The following LIPA variants were observed in gnomAD, a reference collection of about 807,000 sequenced individuals.
The protein encoded by LIPA is lysosomal acid lipase/cholesteryl ester hydrolase.
Under a neutral mutation model 40.6 loss-of-function variants are expected in LIPA, and 26 were observed. The observed-to-expected ratio is 0.64, with a 90% confidence interval of 0.47 to 0.89. The LOEUF (loss-of-function observed/expected upper bound fraction) is 0.89. Ranked by LOEUF, LIPA falls within the 40% of genes least tolerant of loss-of-function variation. The pLI is 0.00. For synonymous variants in LIPA, 188 were observed against 168.4 expected, an observed-to-expected ratio of 1.12 and a Z score of -0.90; for missense variants, 455 against 479.6, an observed-to-expected ratio of 0.95 and a Z score of 0.48.
intron 1 of LIPA, among the ~76,000 whole-genome samples, chr10:89,250,107 C>CT (rs398038546): frequency 0.018 from 1,767 of 96,046 alleles, 111 homozygotes; most frequent in Middle Eastern, 0.032. Context: ...TCTTTTCTTT[C>CT]TTTTTTTTTT....
At chr10:89,273,195 G>T (rs4934463) in intron 1 of LIPA, among the ~76,000 whole-genome samples, 102,759 of 151,614 alleles carry the variant, frequency 0.68, 35,263 homozygotes, top group East Asian at 0.97. Flanking sequence ...TTTTCTCTTT[G>T]TTTTTTGTAA....
intron 8 of LIPA, among the ~76,000 whole-genome samples, chr10:89,218,687 G>A (rs1373379592): frequency 6.6e-6 from 1 of 152,184 alleles, no homozygotes; most frequent in Admixed American, 6.5e-5. Context: ...CTGCAACCAG[G>A]CAGAAGAGGA....
At chr10:89,316,283 G>C (rs1380636911) in intron 1 of LIPA, among the ~76,000 whole-genome samples, 1 of 152,238 alleles carries the variant, frequency 6.6e-6, no homozygotes, top group Non-Finnish European at 1.5e-5. Flanking sequence ...CCTCACCCGG[G>C]AAGTGCAAGG....
intron 2 of LIPA, chr10:89,362,595 G>A (rs893611048): frequency 1.5e-5 from 5 of 333,386 alleles, no homozygotes; most frequent in South Asian, 1.4e-4. Flanking sequence ...ACTTTGCCTG[G>A]GCTGGGGCAA....
At chr10:89,348,591 G>A (rs887351269) in intron 2 of LIPA, among the ~76,000 whole-genome samples, 3 of 152,198 alleles carry the variant, frequency 2.0e-5, no homozygotes, top group Non-Finnish European at 4.4e-5. Flanking sequence ...TTGTTTGCGG[G>A]TTGCCATGCA....
intron 1 of LIPA, chr10:89,306,536 G>A (rs144300435): frequency 6.2e-6 from 10 of 1,614,050 alleles, no homozygotes; most frequent in African/African-American, 2.7e-5. Flanking sequence ...ATCTCAGAAC[G>A]CCATTGACCC....
intron 2 of LIPA, among the ~76,000 whole-genome samples, chr10:89,395,617 C>T (rs1201940767): frequency 2.6e-5 from 4 of 152,150 alleles, no homozygotes; most frequent in Non-Finnish European, 4.4e-5. Context: ...ACAAGGGCAT[C>T]TGCCTGATAT....
intron 1 of LIPA, chr10:89,414,267 C>T (rs1841506302): frequency 1.3e-5 from 2 of 152,902 alleles, no homozygotes; most frequent in South Asian, 2.0e-4. Flanking sequence ...CTTAAGTTTC[C>T]GCCTGTAATC....
intron 1 of LIPA, chr10:89,293,682 G>GAGAGAGAA (rs1318789134): frequency 8.8e-6 from 1 of 114,028 alleles, no homozygotes; most frequent in Non-Finnish European, 1.8e-5. Flanking sequence ...TGTGAGATGA[G>GAGAGAGAA]AGAGAGAGAG....
At chr10:89,334,613 T>C (rs1205185726) in intron 1 of LIPA, among the ~76,000 whole-genome samples, 1 of 146,338 alleles carries the variant, frequency 6.8e-6, no homozygotes, top group Non-Finnish European at 1.5e-5. Flanking sequence ...CTGCCTCGGC[T>C]TCCCGAGTAG....
chr10:89,275,534 C>T (rs910504227), intron 1 of LIPA, among the ~76,000 whole-genome samples: 1 of 152,202 alleles, frequency 6.6e-6, no homozygotes, highest in African/African-American at 2.4e-5. Context: ...AGCTTCAGTA[C>T]CAGACATGAA....
intron 1 of LIPA, among the ~76,000 whole-genome samples, chr10:89,318,068 C>T (rs1010144472): frequency 1.1e-4 from 16 of 152,148 alleles, no homozygotes; most frequent in Admixed American, 3.9e-4. Context: ...CTGAAGGAAG[C>T]ACTAAACATG....
chr10:89,287,143 A>G (rs541506359), intron 1 of LIPA, among the ~76,000 whole-genome samples: 1 of 152,348 alleles, frequency 6.6e-6, no homozygotes, highest in East Asian at 1.9e-4. Context: ...ACTTCTTCCC[A>G]GATCTTCTGG....
intron 1 of LIPA, chr10:89,307,577 T>TG (rs1294729489): frequency 8.0e-6 from 4 of 503,120 alleles, no homozygotes; most frequent in Admixed American, 6.9e-5. Context: ...GGGACCAGAT[T>TG]GGGGGGTAGG....
chr10:89,402,907 G>T (rs145664491), intron 2 of LIPA: 6 of 1,614,150 alleles, frequency 3.7e-6, no homozygotes, highest in Non-Finnish European at 5.1e-6. Context: ...CAGGCTGTCC[G>T]CTTAAATCCA....
chr10:89,295,539 A>G (rs915810831), intron 1 of LIPA, among the ~76,000 whole-genome samples: 23 of 152,210 alleles, frequency 1.5e-4, no homozygotes, highest in African/African-American at 5.5e-4. Context: ...TTCTGATTCT[A>G]TCAGTCTAGA....
chr10:89,298,558 G>A (rs1035724320), intron 1 of LIPA, among the ~76,000 whole-genome samples: 1 of 152,144 alleles, frequency 6.6e-6, no homozygotes, highest in African/African-American at 2.4e-5. Context: ...ATTGAAAGAA[G>A]TGACTATTAT....
At chr10:89,327,270 G>A (rs1843608342) in intron 1 of LIPA, among the ~76,000 whole-genome samples, 1 of 152,194 alleles carries the variant, frequency 6.6e-6, no homozygotes, top group Admixed American at 6.5e-5. Flanking sequence ...GCATGTTCTG[G>A]CTGGGTGCAG....
rs768436255 is a variant in LIPA at position 89,214,923 on chromosome 10, T to C, written c.1105A>G (p.Ile369Val). Reference sequence around the variant, plus strand: ...AAGTCAAGATGCTCCCATTCCGGAATGCTCTCATGGAACACCAAGTTGGTG... The same window carrying C: ...AAGTCAAGATGCTCCCATTCCGGAACGCTCTCATGGAACACCAAGTTGGTG... ...QITNLVFHES[I>V]PEWEHLDFIW... Residue 369 changes from isoleucine to valine, a missense_variant, in exon 10 of 10, where the codon ATT (isoleucine) becomes GTT (valine). By Grantham distance (29) the Ile-to-Val change is conservative (BLOSUM62 3). Transcript: ENST00000336233. The C allele has an allele frequency of 3.7e-6, 6 of 1,613,960 alleles. No homozygotes were observed. The Admixed American group carries it at 5.0e-5, about 13-fold the overall frequency.
Sources: allele counts gnomAD v4.1 joint callset (sites outside exome capture counted in the v4.1 genomes callset), GRCh38; gene constraint gnomAD v4.1.1; transcripts MANE v1.5; gene names NCBI Gene and HGNC (gene_info 2026-07-23, HGNC 2026-07-21).